PRKN: variants seen among roughly 807,000 people sequenced by gnomAD.
PRKN encodes the protein parkin RBR E3 ubiquitin protein ligase, also known as E3 ubiquitin-protein ligase parkin.
Under a neutral mutation model 59.5 loss-of-function variants are expected in PRKN, and 56 were observed. The ratio of observed to expected loss-of-function variants is 0.94; its 90% CI spans 0.76 to 1.18. The LOEUF is 1.18. PRKN is among the 50% of genes most tolerant of loss of function. The pLI, the probability that PRKN is intolerant of heterozygous loss-of-function variation, is 0.00. For missense variants in PRKN, 657 were observed against 596.4 expected, an observed-to-expected ratio of 1.10 and a Z score of -1.06; for synonymous variants, 250 against 222.1, an observed-to-expected ratio of 1.13 and a Z score of -1.12.
At chr6:162,012,431 T>C (rs1186515054) in intron 5 of PRKN, among the ~76,000 whole-genome samples, 1 of 151,928 alleles carries the variant, frequency 6.6e-6, no homozygotes. Flanking sequence ...CTATATATAA[T>C]GTACATTATT....
At chr6:162,290,529 A>G (rs1024533187) in intron 2 of PRKN, among the ~76,000 whole-genome samples, 9 of 152,204 alleles carry the variant, frequency 5.9e-5, no homozygotes, top group Non-Finnish European at 1.3e-4. Flanking sequence ...TGTCAGATTA[A>G]GAGACAATGA....
intron 6 of PRKN, among the ~76,000 whole-genome samples, chr6:161,813,897 C>A (rs964694184): frequency 2.0e-5 from 3 of 152,206 alleles, no homozygotes; most frequent in Non-Finnish European, 4.4e-5. Flanking sequence ...CACATCTCTG[C>A]AAATTCATCT....
intron 10 of PRKN, among the ~76,000 whole-genome samples, chr6:161,380,015 T>C (rs1369593100): frequency 6.6e-6 from 1 of 152,228 alleles, no homozygotes; most frequent in African/African-American, 2.4e-5. Flanking sequence ...CTCCTGCCTG[T>C]GGCTGATAAG....
intron 1 of PRKN, among the ~76,000 whole-genome samples, chr6:162,489,812 C>CTCCACTTTGCT (rs1792723232): frequency 6.6e-6 from 1 of 152,210 alleles, no homozygotes; most frequent in South Asian, 2.1e-4. Context: ...CTCTGGCCAT[C>CTCCACTTTGCT]TCCACTTTGC....
chr6:161,573,777 TATATATATATATATATATAA>T lies in PRKN; in HGVS notation c.872-4381_872-4362del, dbSNP rs1219010039. 5.6e-3 allele frequency among the ~76,000 whole-genome samples: 468 copies of T among 83,786 alleles called. 27 individuals carry two copies. Among genetic ancestry groups the T allele is most frequent in the African/African-American group, 0.026 (451 of 17,126 alleles). 55.0% of individuals were successfully genotyped at this position (83,786 alleles called of 152,430 possible). A position where few individuals can be genotyped will look rare whatever the true frequency, so the allele number is the denominator to read the frequency against. ...AAAAATATATATATATATATATATA[TATATATATATATATATATAA>T]AACTTCATTCAACCTTGGGTGTTTT... is the stretch of plus-strand genomic sequence containing the variant. On this transcript the variant is annotated intron_variant, in intron 7 of 11. Coordinates refer to ENST00000366898, the MANE Select transcript of PRKN (RefSeq NM_004562.3).
intron 3 of PRKN, among the ~76,000 whole-genome samples, chr6:162,228,566 T>C (rs1778287475): frequency 1.3e-5 from 2 of 152,204 alleles, no homozygotes; most frequent in Non-Finnish European, 2.9e-5. Context: ...CTTAGTCCAT[T>C]GATCACTCAT....
intron 4 of PRKN, among the ~76,000 whole-genome samples, chr6:162,062,922 C>A (rs9456738): frequency 0.71 from 107,514 of 152,032 alleles, 38,278 homozygotes; most frequent in East Asian, 0.87. Context: ...GTAAGGAAAA[C>A]AATGAACTGA....
chr6:162,154,292 T>C (rs1374798713), intron 4 of PRKN, among the ~76,000 whole-genome samples: 2 of 151,892 alleles, frequency 1.3e-5, no homozygotes, highest in African/African-American at 2.4e-5. Context: ...AGGGGAGTGC[T>C]CAGTAAGCAA....
intron 4 of PRKN, among the ~76,000 whole-genome samples, chr6:162,173,861 G>A (rs1278701851): frequency 2.0e-5 from 3 of 152,134 alleles, no homozygotes; most frequent in Non-Finnish European, 2.9e-5. Context: ...GGTATAAAGT[G>A]CTTGGCTGGA....
intron 4 of PRKN, among the ~76,000 whole-genome samples, chr6:162,194,154 T>C (rs73594275): frequency 0.013 from 2,049 of 152,318 alleles, 49 homozygotes; most frequent in African/African-American, 0.046. Context: ...ACAATAGACG[T>C]ACAAGTATAT....
intron 4 of PRKN, among the ~76,000 whole-genome samples, chr6:162,154,663 C>A (rs1315961767): frequency 6.6e-6 from 1 of 152,060 alleles, no homozygotes; most frequent in African/African-American, 2.4e-5. Flanking sequence ...TAAATTTAGA[C>A]AGTCTAAAAT....
intron 4 of PRKN, among the ~76,000 whole-genome samples, chr6:162,149,666 C>T (rs564286167): frequency 2.8e-4 from 42 of 152,270 alleles, no homozygotes; most frequent in African/African-American, 9.4e-4. Context: ...CACTCTAAGA[C>T]TCCAAAGTCT....
intron 3 of PRKN, among the ~76,000 whole-genome samples, chr6:162,226,890 T>C (rs1301441314): frequency 6.6e-6 from 1 of 152,192 alleles, no homozygotes; most frequent in East Asian, 1.9e-4. Context: ...AAATCAGTCA[T>C]GGCTCCAGTC....
intron 3 of PRKN, among the ~76,000 whole-genome samples, chr6:162,218,494 C>T (rs1401865040): frequency 6.6e-6 from 1 of 152,094 alleles, no homozygotes; most frequent in African/African-American, 2.4e-5. Flanking sequence ...TTCTGGAGTG[C>T]CTCTGTGCAA....
At chr6:161,689,463 C>T (rs759273241) in intron 7 of PRKN, among the ~76,000 whole-genome samples, 26 of 152,132 alleles carry the variant, frequency 1.7e-4, no homozygotes, top group Non-Finnish European at 3.2e-4. Flanking sequence ...CTAGACTGTT[C>T]AGCACCCTGT....
In PRKN at chr6:161,370,591, C is replaced by CAAAAAAA. The variant is rs560655971; in HGVS notation, c.1168-10393_1168-10387dup. On this transcript the variant is annotated intron_variant, in intron 10 of 11. Coordinates refer to ENST00000366898, the MANE Select transcript of PRKN (RefSeq NM_004562.3). ...TGGGCGACAGAGCAAGACTCTGTGT[C>CAAAAAAA]AAAAAAAAAAAAAAAAAAAAGCCGA... Among the ~76,000 whole-genome samples, 3 of 57,816 alleles carry CAAAAAAA rather than the reference C, an allele frequency of 5.2e-5. 1 individual carries two copies. The highest frequency in any genetic ancestry group is 9.1e-5 in the Non-Finnish European group (3 of 32,870). 37.9% of individuals were successfully genotyped at this position (57,816 alleles called of 152,430 possible).
chr6:162,282,524 A>G (rs1780954688), intron 2 of PRKN, among the ~76,000 whole-genome samples: 1 of 152,224 alleles, frequency 6.6e-6, no homozygotes, highest in African/African-American at 2.4e-5. Flanking sequence ...ACATGCAGAA[A>G]TTCTCACATA....
intron 2 of PRKN, among the ~76,000 whole-genome samples, chr6:162,437,104 T>A (rs1259219524): frequency 1.1e-4 from 15 of 142,068 alleles, no homozygotes; most frequent in African/African-American, 4.1e-4. Context: ...AAAAAATAAA[T>A]AAATAAATAA....
At chr6:162,120,697 A>C (rs992191493) in intron 4 of PRKN, among the ~76,000 whole-genome samples, 26 of 152,182 alleles carry the variant, frequency 1.7e-4, no homozygotes, top group African/African-American at 5.5e-4. Context: ...GAATTCCTGC[A>C]TGTCTCTCTG....
Sources: gnomAD v4.1 joint callset for allele counts (sites outside exome capture counted in the v4.1 genomes callset) on GRCh38, gnomAD v4.1.1 for gene constraint, MANE v1.5 for transcripts, NCBI Gene and HGNC (gene_info 2026-07-23, HGNC 2026-07-21) for gene names.